The following PABPC1L variants were observed in gnomAD, a reference collection of about 807,000 sequenced individuals.
PABPC1L encodes the protein poly(A) binding protein cytoplasmic 1 like.
A neutral mutation model predicts 66.6 loss-of-function variants in PABPC1L; 31 were observed. The ratio of observed to expected loss-of-function variants is 0.47; its 90% CI spans 0.35 to 0.63. The LOEUF is 0.63. Ranked by LOEUF, PABPC1L falls within the 20% of genes least tolerant of loss-of-function variation. PABPC1L has a pLI of 0.00. For synonymous variants in PABPC1L, 348 were observed against 335.1 expected (o/e 1.04, Z -0.42); for missense variants, 722 against 848.8 (o/e 0.85, Z 1.86).
chr20:44,931,739 GC>G lies in PABPC1L; in HGVS notation c.1240-600del. The G allele has an allele frequency of 2.0e-5, 3 of 152,160 alleles. No homozygotes were observed. In the Middle Eastern group the frequency reaches 0.01, roughly 521 times the overall value. The allele number at this position is 152,160 out of a possible 1,614,324, so 9.4% of individuals were successfully genotyped here. A position where few individuals can be genotyped will look rare whatever the true frequency, so the allele number is the denominator to read the frequency against. On this transcript the variant is annotated intron_variant, in intron 8 of 14. Transcript: ENST00000217073. ...TTGAACTCCTGACCTCAAGTGATGT[GC>G]CCTCCTTGACCTCCTAAAGTGCTGG...
intron 2 of PABPC1L, among the ~76,000 whole-genome samples, 175 bp from the exon 3 acceptor site, chr20:44,916,581 A>G (rs1490394300): frequency 6.6e-6 from 1 of 152,012 alleles, no homozygotes; most frequent in Non-Finnish European, 1.5e-5. Flanking sequence ...GCCTTCCTTA[A>G]TCCGTTAACT....
intron 2 of PABPC1L, among the ~76,000 whole-genome samples, chr20:44,915,480 T>G (rs1399703011): frequency 1.3e-5 from 2 of 152,084 alleles, no homozygotes; most frequent in Non-Finnish European, 2.9e-5. Flanking sequence ...GGTTACAGAA[T>G]GGGAATAGGA....
At chr20:44,920,537 C>T (rs1030048658) in intron 5 of PABPC1L, among the ~76,000 whole-genome samples, 13 of 152,222 alleles carry the variant, frequency 8.5e-5, no homozygotes, top group East Asian at 7.7e-4. Context: ...GACGTGATCT[C>T]GGCTCATTGC....
chr20:44,921,150 A>AT (rs3092593), intron 5 of PABPC1L, among the ~76,000 whole-genome samples: 1,454 of 135,582 alleles, frequency 0.011, 25 homozygotes, highest in African/African-American at 0.034. Flanking sequence ...CCCAGTCCGA[A>AT]TTTTTTTTTT....
At position 44,930,594 on chromosome 20, in the gene PABPC1L, G is replaced by A. The variant is rs755266874; in HGVS notation, c.1107G>A (p.Gln369=). Residue 369 remains glutamine (Q), a synonymous_variant, in exon 8 of 15, where the codon CAG becomes CAA. Coordinates refer to ENST00000217073, the MANE Select transcript of PABPC1L (RefSeq NM_001372179.1). ...AGCCACTCTACGTGGCACTGGCCCA[G>A]CGCAAAGAGGAGCGGAAGGCCATCT... The part of the protein sequence containing the change: ...GTKPLYVALA[Q]RKEERKAILT... 6.2e-7 allele frequency: 1 copy of A among 1,614,260 alleles called. No homozygotes were observed. Among genetic ancestry groups the A allele is most frequent in the Non-Finnish European group, 8.5e-7 (1 of 1,180,048 alleles).
At chr20:44,915,590 G>A (rs1229755680) in intron 2 of PABPC1L, among the ~76,000 whole-genome samples, 1 of 152,108 alleles carries the variant, frequency 6.6e-6, no homozygotes, top group Non-Finnish European at 1.5e-5. Flanking sequence ...CTGAGGTCAG[G>A]AGTCCAGGAC....
Position 44,916,858 on chromosome 20 carries a change from A to G in PABPC1L, c.490A>G (p.Asn164Asp), listed in dbSNP as rs1200537611. The G allele has an allele frequency of 6.2e-7, 1 of 1,613,970 alleles. No homozygotes were observed. Among genetic ancestry groups the G allele is most frequent in the African/African-American group, 1.3e-5 (1 of 74,914 alleles). ...CAACACCATGAATGGGATGCTGCTG[A>G]ATGACCGCAAAGTGTGAGTGGCTGG... ...AINTMNGMLL[N>D]DRKVFVGHFK... is the part of the protein sequence containing the mutation. Residue 164 changes from asparagine (N) to aspartate (D), a missense_variant, in exon 3 of 15, where the codon AAT becomes GAT. Asn to Asp is a conservative substitution (Grantham distance 23, BLOSUM62 1). This residue lies in a region of PABPC1L where 284 missense variants were observed against 294.8 expected (regional missense o/e 0.96). Coordinates refer to ENST00000217073, the MANE Select transcript of PABPC1L (RefSeq NM_001372179.1).
intron 7 of PABPC1L, among the ~76,000 whole-genome samples, chr20:44,924,993 C>A (rs2066799282): frequency 6.9e-6 from 1 of 145,488 alleles, no homozygotes; most frequent in African/African-American, 2.8e-5. Flanking sequence ...GCAGGCAGAT[C>A]ATGAGGTCAG....
At chr20:44,920,405 T>G (rs2066764792) in intron 5 of PABPC1L, among the ~76,000 whole-genome samples, 1 of 152,210 alleles carries the variant, frequency 6.6e-6, no homozygotes, top group Non-Finnish European at 1.5e-5. Context: ...CTAGACTGGC[T>G]TCTTTCACTT....
chr20:44,919,359 G>C, intron 5 of PABPC1L, 82 bp downstream of exon 5: 1 of 1,470,496 alleles, frequency 6.8e-7, no homozygotes, highest in Non-Finnish European at 9.4e-7. Context: ...CCTGTGGAGG[G>C]GAAGAAAGTC....
chr20:44,916,308 T>C (rs560861725), intron 2 of PABPC1L, among the ~76,000 whole-genome samples: 1 of 152,356 alleles, frequency 6.6e-6, no homozygotes, highest in Non-Finnish European at 1.5e-5. Context: ...AGTCTCACTC[T>C]GTCACCCAGG....
chr20:44,930,209 ACATCCCTC>A, intron 7 of PABPC1L, among the ~76,000 whole-genome samples: 1 of 152,300 alleles, frequency 6.6e-6, no homozygotes, highest in South Asian at 2.1e-4. Context: ...GGTGCACGCT[ACATCCCTC>A]CATCACTCCT....
rs1248804420 is a variant in PABPC1L at position 44,921,746 on chromosome 20, C to T, written c.876+15C>T. The stretch of plus-strand genomic sequence containing the variant: ...GGCGTTACCAGGTGAGGTCAGGCTT[C>T]CTGGTGGCAGCCACTTCTGTGTGAG... On this transcript the variant is annotated intron_variant, in intron 6 of 14. Coordinates refer to ENST00000217073, the MANE Select transcript of PABPC1L (RefSeq NM_001372179.1). 6.2e-7 allele frequency: 1 copy of T among 1,612,614 alleles called. No homozygotes were observed. The highest frequency in any genetic ancestry group is 1.3e-5 in the African/African-American group (1 of 74,954).
chr20:44,917,926 T>G lies in PABPC1L; in HGVS notation c.504-980T>G, dbSNP rs914178205. On this transcript the variant is annotated intron_variant, in intron 3 of 14. Coordinates refer to ENST00000217073, the MANE Select transcript of PABPC1L (RefSeq NM_001372179.1). ...CAAATTTTGGTGCCTGGTACAACTT[T>G]GTTTGTGCTAAACGTGCTATAGATA... Among the ~76,000 whole-genome samples, 7 of 152,242 alleles carry G rather than the reference T, an allele frequency of 4.6e-5. No individual in the cohort carries two copies. In the East Asian group the frequency reaches 1.3e-3, roughly 29 times the overall value.
intron 12 of PABPC1L, chr20:44,937,122 C>T: frequency 2.5e-6 from 1 of 395,226 alleles, no homozygotes; most frequent in South Asian, 1.9e-5. Flanking sequence ...TGCTGTTCAC[C>T]AGTTTCCAGT....
intron 1 of PABPC1L, among the ~76,000 whole-genome samples, chr20:44,912,299 T>C (rs2066710436): frequency 6.6e-6 from 1 of 152,162 alleles, no homozygotes; most frequent in Admixed American, 6.6e-5. Flanking sequence ...ATCCACTCAG[T>C]GTACTTTAGA....
At chr20:44,923,868 C>G (rs1166271337) in intron 6 of PABPC1L, among the ~76,000 whole-genome samples, 2 of 152,136 alleles carry the variant, frequency 1.3e-5, no homozygotes, top group Non-Finnish European at 2.9e-5. Flanking sequence ...TGCCACGGGA[C>G]CTGGGACATC....
chr20:44,927,350 TA>T (rs1377621722), intron 7 of PABPC1L, among the ~76,000 whole-genome samples: 7 of 150,462 alleles, frequency 4.7e-5, no homozygotes, highest in South Asian at 2.1e-4. Flanking sequence ...AATATATATA[TA>T]TTTTTTTTTT....
Position 44,939,135 on chromosome 20 carries a change from T to C in PABPC1L, c.*16T>C, listed in dbSNP as rs2066924086. 1.4e-6 allele frequency: 1 copy of C among 717,876 alleles called. No homozygotes were observed. The highest frequency in any genetic ancestry group is 1.5e-5 in the South Asian group (1 of 67,608). The allele number at this position is 717,876 out of a possible 1,614,324, so 44.5% of individuals were successfully genotyped here. The stretch of plus-strand genomic sequence containing the variant: ...ACCTTTTTGTCCTCAGAAAAGGAAA[T>C]CCTCGCTTCCATGGCTGCCAAAAGG... On this transcript the variant is annotated 3_prime_UTR_variant, in exon 15 of 15. Transcript: ENST00000217073.
Sources: allele counts gnomAD v4.1 joint callset (sites outside exome capture counted in the v4.1 genomes callset), GRCh38; gene constraint gnomAD v4.1.1; regional missense constraint gnomAD v4.1.1; transcripts MANE v1.5; gene names NCBI Gene and HGNC (gene_info 2026-07-23, HGNC 2026-07-21).